SNAP91: variants seen among roughly 807,000 people sequenced by gnomAD.
The protein encoded by SNAP91 is synaptosome associated protein 91.
A neutral mutation model predicts 100.3 loss-of-function variants in SNAP91; 27 were observed. The ratio of observed to expected loss-of-function variants is 0.27; its 90% CI spans 0.20 to 0.37. The LOEUF (loss-of-function observed/expected upper bound fraction) is 0.37, where lower values mean the gene tolerates loss of function less well. Among genes scored for constraint, SNAP91 ranks in the 10% least tolerant of loss-of-function variants. SNAP91 has a pLI of 1.00. For missense variants in SNAP91, 986 were observed against 1,123.7 expected (o/e 0.88, Z 1.75); for synonymous variants, 404 against 398.6 (o/e 1.01, Z -0.16).
intron 7 of SNAP91, among the ~76,000 whole-genome samples, chr6:83,647,717 G>T (rs974766608): frequency 6.6e-6 from 1 of 152,042 alleles, no homozygotes; most frequent in African/African-American, 2.4e-5. Flanking sequence ...CATTTAAGGT[G>T]TAGATTTTAT....
chr6:83,570,464 A>G (rs1804871934), intron 26 of SNAP91, among the ~76,000 whole-genome samples: 1 of 151,464 alleles, frequency 6.6e-6, no homozygotes, highest in South Asian at 2.1e-4. Context: ...CCGAATGTTT[A>G]TCACCAACAC....
At chr6:83,560,597 C>A (rs538652767) in intron 27 of SNAP91, among the ~76,000 whole-genome samples, 1 of 152,058 alleles carries the variant, frequency 6.6e-6, no homozygotes, top group Non-Finnish European at 1.5e-5. Context: ...GATGATTGGG[C>A]TAATACTATA....
chr6:83,686,166 A>G, intron 2 of SNAP91: 1 of 985,316 alleles, frequency 1.0e-6, no homozygotes, highest in Non-Finnish European at 1.2e-6. Context: ...AATATCCCAC[A>G]ATCAACACTG....
rs1773974892 is a variant in SNAP91 at position 83,553,788 on chromosome 6, T to C, written c.*508A>G. 6.6e-6 allele frequency: 1 copy of C among 152,126 alleles called. No individual in the cohort carries two copies. Among genetic ancestry groups the C allele is most frequent in the South Asian group, 2.1e-4 (1 of 4,822 alleles). The allele number at this position is 152,126 out of a possible 1,614,324, so 9.4% of individuals were successfully genotyped here. A position where few individuals can be genotyped will look rare whatever the true frequency, so the allele number is the denominator to read the frequency against. Reference sequence around the variant, plus strand: ...GTTGAAGTTCCTGTGATTGGAAAAATGTACTCCACACTGAAAAAGTTTTGT... The same window carrying C: ...GTTGAAGTTCCTGTGATTGGAAAAACGTACTCCACACTGAAAAAGTTTTGT... On this transcript the variant is annotated 3_prime_UTR_variant, in exon 30 of 30. Coordinates refer to ENST00000369694, the MANE Select transcript of SNAP91 (RefSeq NM_001242792.2).
chr6:83,572,628 C>T (rs990540367), intron 26 of SNAP91, among the ~76,000 whole-genome samples: 2 of 152,184 alleles, frequency 1.3e-5, no homozygotes, highest in African/African-American at 2.4e-5. Flanking sequence ...CTTCCAATAC[C>T]CCTAACTCAC....
intron 16 of SNAP91, among the ~76,000 whole-genome samples, chr6:83,598,975 A>G (rs1169565186): frequency 6.6e-6 from 1 of 152,190 alleles, no homozygotes; most frequent in African/African-American, 2.4e-5. Context: ...TGTAATTGTC[A>G]TTGTACACTC....
chr6:83,696,708 C>T lies in SNAP91; in HGVS notation c.130+11090G>A, dbSNP rs566421573. ...CTGGGCTTAAACATCTCTTCCTCTG[C>T]AAAGTGCCTCCGCTGTAGTCTTCAC... is the stretch of plus-strand genomic sequence containing the variant. On this transcript the variant is annotated intron_variant, in intron 2 of 29. Transcript: ENST00000369694. Among the ~76,000 whole-genome samples, 4 of 152,338 alleles carry T rather than the reference C, an allele frequency of 2.6e-5. No homozygotes were observed. In the South Asian group the frequency reaches 8.3e-4, roughly 32 times the overall value.
At chr6:83,669,840 T>C (rs1450771699) in intron 2 of SNAP91, among the ~76,000 whole-genome samples, 2 of 151,998 alleles carry the variant, frequency 1.3e-5, no homozygotes, top group Non-Finnish European at 2.9e-5. Context: ...TCCTTTTTAT[T>C]GTAGAGGTGT....
chr6:83,665,170 C>T (rs1160449722), intron 3 of SNAP91, among the ~76,000 whole-genome samples: 2 of 151,588 alleles, frequency 1.3e-5, no homozygotes, highest in African/African-American at 4.8e-5. Context: ...GCAATATTAG[C>T]TTTTTTTTGC....
chr6:83,560,787 G>T, intron 27 of SNAP91, 77 bp downstream of exon 27: 1 of 1,213,618 alleles, frequency 8.2e-7, no homozygotes, highest in Non-Finnish European at 1.2e-6. Flanking sequence ...ATATTCTGTA[G>T]GAATACTTAG....
intron 2 of SNAP91, chr6:83,689,515 A>T (rs1042740668): frequency 2.0e-5 from 3 of 152,176 alleles, no homozygotes; most frequent in Non-Finnish European, 4.4e-5. Flanking sequence ...AAAGTGGTAG[A>T]CTACTAGTAA....
intron 2 of SNAP91, among the ~76,000 whole-genome samples, chr6:83,672,089 T>C (rs774779174): frequency 4.6e-5 from 7 of 152,140 alleles, no homozygotes; most frequent in Non-Finnish European, 8.8e-5. Flanking sequence ...CGGCCTCTCA[T>C]CAGAAGACTC....
At chr6:83,596,697 G>A (rs2094506683) in intron 16 of SNAP91, among the ~76,000 whole-genome samples, 1 of 151,924 alleles carries the variant, frequency 6.6e-6, no homozygotes, top group East Asian at 1.9e-4. Flanking sequence ...ATTCCACAAT[G>A]TATACACACT....
chr6:83,646,948 A>C (rs1470577238), intron 7 of SNAP91, among the ~76,000 whole-genome samples: 1 of 152,168 alleles, frequency 6.6e-6, no homozygotes, highest in East Asian at 1.9e-4. Flanking sequence ...GGGAGTGCTG[A>C]TGTTAATGGC....
At chr6:83,608,766 A>G (rs983270360) in intron 12 of SNAP91, among the ~76,000 whole-genome samples, 1 of 152,220 alleles carries the variant, frequency 6.6e-6, no homozygotes, top group Non-Finnish European at 1.5e-5. Context: ...ATGTTTGTCC[A>G]AGAATATACT....
intron 26 of SNAP91, among the ~76,000 whole-genome samples, chr6:83,574,715 TTAAATA>T (rs1170432784): frequency 6.6e-6 from 1 of 152,172 alleles, no homozygotes; most frequent in Non-Finnish European, 1.5e-5. Flanking sequence ...ATAATCATTA[TTAAATA>T]TAAAGTCATT....
At position 83,556,192 on chromosome 6, in the gene SNAP91, C is replaced by A; in HGVS notation, c.2685G>T (p.Lys895Asn). ...TGATGTTAAGATCCGCTAATGGGTCCTTTGCTGGAGGTTTCTTGGGACTCT... is the reference window on the plus strand; with the variant it reads ...TGATGTTAAGATCCGCTAATGGGTCATTTGCTGGAGGTTTCTTGGGACTCT... ...ASQSPKKPPA[K>N]DPLADLNIKD... Residue 895 changes from lysine (K) to asparagine (N), a missense_variant, in exon 29 of 30, where the codon AAG becomes AAT. Physicochemically the swap from Lys to Asn is moderately conservative, Grantham distance 94 (BLOSUM62 0). Around this residue, in one of 4 missense-constraint regions of SNAP91, gnomAD observed 71 missense variants for 68.5 expected, o/e 1.04. Coordinates refer to ENST00000369694, the MANE Select transcript of SNAP91 (RefSeq NM_001242792.2). 6.3e-7 allele frequency: 1 copy of A among 1,575,300 alleles called. No homozygotes were observed. The highest frequency in any genetic ancestry group is 1.2e-5 in the South Asian group (1 of 85,574).
chr6:83,613,788 G>T (rs1017454293), intron 11 of SNAP91, among the ~76,000 whole-genome samples: 1 of 152,112 alleles, frequency 6.6e-6, no homozygotes, highest in Non-Finnish European at 1.5e-5. Flanking sequence ...CCTAATGTTA[G>T]TCATTGCCCT....
At chr6:83,701,393 G>C (rs911357934) in intron 2 of SNAP91, among the ~76,000 whole-genome samples, 1 of 151,692 alleles carries the variant, frequency 6.6e-6, no homozygotes, top group Non-Finnish European at 1.5e-5. Context: ...ACCAAGCAGG[G>C]AGAGACCTAG....
Sources: allele counts gnomAD v4.1 joint callset (sites outside exome capture counted in the v4.1 genomes callset), GRCh38; gene constraint gnomAD v4.1.1; regional missense constraint gnomAD v4.1.1; transcripts MANE v1.5; gene names NCBI Gene and HGNC (gene_info 2026-07-23, HGNC 2026-07-21).